Variants in EPHA5 observed in about 807,000 individuals in gnomAD.
The protein encoded by EPHA5 is EPH receptor A5.
A neutral mutation model predicts 105.0 loss-of-function variants in EPHA5; 60 were observed. The observed-to-expected ratio is 0.57, with a 90% confidence interval of 0.46 to 0.71. The LOEUF is 0.71. Among genes scored for constraint, EPHA5 ranks in the 30% least tolerant of loss-of-function variants. EPHA5 has a pLI of 0.00. For synonymous variants in EPHA5, 513 were observed against 449.1 expected (o/e 1.14, Z -1.80); for missense variants, 1,218 against 1,274.7 (o/e 0.96, Z 0.68).
intron 2 of EPHA5, among the ~76,000 whole-genome samples, chr4:65,637,010 T>C (rs1291761761): frequency 1.3e-5 from 2 of 151,950 alleles, no homozygotes; most frequent in Non-Finnish European, 2.9e-5. Flanking sequence ...CTGCTAGATA[T>C]GTCCAGAAGA....
chr4:65,363,342 A>C (rs943288869), intron 11 of EPHA5, among the ~76,000 whole-genome samples: 1 of 151,572 alleles, frequency 6.6e-6, no homozygotes, highest in Non-Finnish European at 1.5e-5. Flanking sequence ...GTGGAAACTA[A>C]GGTTCTAAAT....
At chr4:65,578,280 G>T (rs1431385933) in intron 3 of EPHA5, among the ~76,000 whole-genome samples, 2 of 152,098 alleles carry the variant, frequency 1.3e-5, no homozygotes, top group South Asian at 2.1e-4. Flanking sequence ...ATAACAGTAG[G>T]CTTTGCTAAT....
chr4:65,366,453 A>G (rs1717919922), intron 9 of EPHA5, among the ~76,000 whole-genome samples: 1 of 151,822 alleles, frequency 6.6e-6, no homozygotes, highest in African/African-American at 2.4e-5. Flanking sequence ...TTTTAATTTT[A>G]TGCAAAATGA....
At chr4:65,634,828 T>G (rs548102843) in intron 2 of EPHA5, among the ~76,000 whole-genome samples, 1 of 152,236 alleles carries the variant, frequency 6.6e-6, no homozygotes, top group African/African-American at 2.4e-5. Flanking sequence ...GTCATTATTT[T>G]TCCTTTCTTT....
At position 65,584,130 on chromosome 4, in the gene EPHA5, A is replaced by AT. The variant is rs532529172; in HGVS notation, c.910+17510dup. 1.1e-4 allele frequency among the ~76,000 whole-genome samples: 16 copies of AT among 151,800 alleles called. No homozygotes were observed. In the East Asian group the frequency reaches 2.1e-3, roughly 20 times the overall value. On this transcript the variant is annotated intron_variant, in intron 3 of 16. Transcript: ENST00000613740. ...GTTTTTCCATTCATATACCTGAGTT[A>AT]TTTTTTATCTTAAAATAATAAAATC...
intron 3 of EPHA5, among the ~76,000 whole-genome samples, chr4:65,504,386 A>G (rs1732800244): frequency 6.6e-6 from 1 of 150,958 alleles, no homozygotes; most frequent in South Asian, 2.1e-4. Flanking sequence ...ATATATAGAT[A>G]GAACAAATTC....
rs777066757 is a variant in EPHA5 at position 65,522,316 on chromosome 4, G to GTGTA, written c.911-26774_911-26773insTACA. ...GAAATATGTGTGTGTATATATATATGTATATATATATATATATAAAATCAA... is the reference window on the plus strand; with the variant it reads ...GAAATATGTGTGTGTATATATATATGTGTATATATATATATATATATAAAATCAA... On this transcript the variant is annotated intron_variant, in intron 3 of 16. Coordinates refer to ENST00000613740, the MANE Select transcript of EPHA5 (RefSeq NM_001281766.3). 8.4e-3 allele frequency among the ~76,000 whole-genome samples: 1,207 copies of GTGTA among 142,864 alleles called. 8 individuals are homozygous for GTGTA. The highest frequency in any genetic ancestry group is 0.012 in the Non-Finnish European group (806 of 66,528). The allele number at this position is 142,864 out of a possible 152,430, so 93.7% of individuals were successfully genotyped here.
chr4:65,362,212 A>G (rs1467357603), intron 11 of EPHA5, among the ~76,000 whole-genome samples: 5 of 148,648 alleles, frequency 3.4e-5, no homozygotes, highest in Admixed American at 2.7e-4. Context: ...GCTCACGATG[A>G]CACCACCCAT....
At chr4:65,397,700 T>A (rs1721383711) in intron 8 of EPHA5, among the ~76,000 whole-genome samples, 1 of 152,062 alleles carries the variant, frequency 6.6e-6, no homozygotes, top group Non-Finnish European at 1.5e-5. Context: ...TTTCTTCTTG[T>A]CTTGAGGCCA....
intron 1 of EPHA5, among the ~76,000 whole-genome samples, chr4:65,656,015 T>C (rs1337715070): frequency 1.3e-5 from 2 of 150,700 alleles, no homozygotes; most frequent in Non-Finnish European, 2.9e-5. Context: ...AGTACAAGCA[T>C]ATGGAGGGAA....
At chr4:65,591,883 T>C (rs1742698544) in intron 3 of EPHA5, among the ~76,000 whole-genome samples, 1 of 152,156 alleles carries the variant, frequency 6.6e-6, no homozygotes, top group Admixed American at 6.6e-5. Flanking sequence ...AACATGAGTT[T>C]TGAGTAAAAC....
chr4:65,561,145 C>T (rs1171100462), intron 3 of EPHA5, among the ~76,000 whole-genome samples: 2 of 151,574 alleles, frequency 1.3e-5, no homozygotes, highest in East Asian at 1.9e-4. Flanking sequence ...AAATTTCCTC[C>T]GTACCAACTG....
At chr4:65,387,954 C>G in intron 8 of EPHA5, among the ~76,000 whole-genome samples, 1 of 9,554 alleles carries the variant, frequency 1.0e-4, no homozygotes, top group Non-Finnish European at 2.0e-4. Context: ...TCTCCTAATG[C>G]TATCCCTCCC....
chr4:65,358,697 C>T (rs1472578057), intron 11 of EPHA5, among the ~76,000 whole-genome samples: 1 of 151,466 alleles, frequency 6.6e-6, no homozygotes, highest in Non-Finnish European at 1.5e-5. Flanking sequence ...TATTATGGTT[C>T]TTATTTGCTG....
At chr4:65,575,396 C>T (rs867112818) in intron 3 of EPHA5, among the ~76,000 whole-genome samples, 1 of 152,268 alleles carries the variant, frequency 6.6e-6, no homozygotes, top group Non-Finnish European at 1.5e-5. Flanking sequence ...CTACTACTTT[C>T]GTAACTCAAC....
intron 5 of EPHA5, among the ~76,000 whole-genome samples, chr4:65,438,401 T>C (rs1012456064): frequency 2.6e-5 from 4 of 151,900 alleles, no homozygotes; most frequent in South Asian, 2.1e-4. Context: ...GATATTAATG[T>C]AAATTTAAAT....
At chr4:65,344,886 G>A (rs1377746867) in intron 14 of EPHA5, among the ~76,000 whole-genome samples, 2 of 152,052 alleles carry the variant, frequency 1.3e-5, no homozygotes, top group African/African-American at 4.8e-5. Flanking sequence ...TCGGACTATT[G>A]GTTAGAAATG....
intron 14 of EPHA5, among the ~76,000 whole-genome samples, chr4:65,338,221 C>T (rs964555451): frequency 5.9e-5 from 9 of 151,904 alleles, no homozygotes; most frequent in African/African-American, 1.4e-4. Context: ...ACACATAGAT[C>T]GATAGAAGTT....
rs2148798680 is a variant in EPHA5 at position 65,332,043 on chromosome 4, C to T, written c.2875G>A (p.Gly959Ser). Residue 959 changes from glycine (G) to serine (S), a missense_variant, in exon 16 of 17, where the codon GGC becomes AGC. By Grantham distance (56) the Gly-to-Ser change is moderately conservative (BLOSUM62 0). This residue lies in a region of EPHA5 where 971 missense variants were observed against 1,013.5 expected (regional missense o/e 0.96). Transcript: ENST00000613740. ...VGEWLEAIKMGRYTEIFMENG... is the reference protein window; with the variant it reads ...VGEWLEAIKMSRYTEIFMENG... Reference sequence around the variant, plus strand: ...TCCATGAAAATCTCTGTATACCGGCCCATCTTGATTGCCTCTAGCCATTCA... The same window carrying T: ...TCCATGAAAATCTCTGTATACCGGCTCATCTTGATTGCCTCTAGCCATTCA... 2.5e-6 allele frequency: 4 copies of T among 1,611,864 alleles called. No homozygotes were observed. Among genetic ancestry groups the T allele is most frequent in the Non-Finnish European group, 3.4e-6 (4 of 1,178,652 alleles).
Sources: gnomAD v4.1 joint callset for allele counts (sites outside exome capture counted in the v4.1 genomes callset) on GRCh38, gnomAD v4.1.1 for gene constraint, gnomAD v4.1.1 regional missense constraint, MANE v1.5 for transcripts, NCBI Gene and HGNC (gene_info 2026-07-23, HGNC 2026-07-21) for gene names.